NTM: variants seen among roughly 807,000 people sequenced by gnomAD.
The protein encoded by NTM is neurotrimin, also known as IgLON family member 2.
A neutral mutation model predicts 42.1 loss-of-function variants in NTM; 13 were observed. That is an observed-to-expected ratio of 0.31 (90% CI 0.20 to 0.49). The LOEUF is 0.49. NTM is among the 20% of genes least tolerant of loss of function. NTM has a pLI of 0.99. For synonymous variants in NTM, 187 were observed against 179.2 expected (o/e 1.04, Z -0.35); for missense variants, 373 against 452.8 (o/e 0.82, Z 1.60).
chr11:132,106,511 G>A (rs1470807692), intron 2 of NTM, among the ~76,000 whole-genome samples: 3 of 152,202 alleles, frequency 2.0e-5, no homozygotes, highest in East Asian at 1.9e-4. Flanking sequence ...ACGTGACCAC[G>A]CCAAAGGAGC....
chr11:132,286,132 G>A (rs998955741), intron 4 of NTM, among the ~76,000 whole-genome samples: 1 of 152,128 alleles, frequency 6.6e-6, no homozygotes, highest in African/African-American at 2.4e-5. Context: ...TCCACACAGT[G>A]GAGTACAATT....
intron 5 of NTM, among the ~76,000 whole-genome samples, chr11:132,308,576 A>C (rs1034784338): frequency 6.6e-6 from 1 of 152,080 alleles, no homozygotes; most frequent in African/African-American, 2.4e-5. Context: ...TGCACATTCC[A>C]GGAAGACTTA....
intron 1 of NTM, among the ~76,000 whole-genome samples, chr11:131,496,259 C>G (rs1046402467): frequency 6.6e-6 from 1 of 152,202 alleles, no homozygotes; most frequent in East Asian, 1.9e-4. Context: ...TTTTACACCC[C>G]CTTCACCTCA....
At chr11:131,553,294 G>A (rs561173154) in intron 1 of NTM, among the ~76,000 whole-genome samples, 4 of 152,240 alleles carry the variant, frequency 2.6e-5, no homozygotes, top group African/African-American at 9.6e-5. Context: ...GTGCACTTTT[G>A]ATGTAGTGTA....
Position 132,230,581 on chromosome 11 carries a change from G to C in NTM, c.526+18434G>C, listed in dbSNP as rs1288781200. ...TCCCTTTCTGCTCACCACTCTCCAA[G>C]CAGCCGCGCCTTGCGCACTTTGCCC... On this transcript the variant is annotated intron_variant, in intron 4 of 8. Transcript: ENST00000683400. Among the ~76,000 whole-genome samples, 3 of 152,328 alleles carry C rather than the reference G, an allele frequency of 2.0e-5. No individual in the cohort carries two copies. In the East Asian group the frequency reaches 5.8e-4, roughly 29 times the overall value.
chr11:132,303,434 T>C (rs907406327), intron 4 of NTM, among the ~76,000 whole-genome samples: 5 of 152,224 alleles, frequency 3.3e-5, no homozygotes, highest in African/African-American at 9.6e-5. Context: ...GTCTTCACAC[T>C]ACCCTTTCTC....
chr11:132,241,220 C>T (rs1207613418), intron 4 of NTM, among the ~76,000 whole-genome samples: 1 of 152,184 alleles, frequency 6.6e-6, no homozygotes, highest in Non-Finnish European at 1.5e-5. Context: ...AAGGGATACT[C>T]AACCTGTATT....
chr11:131,627,650 C>A (rs1044289413), intron 1 of NTM, among the ~76,000 whole-genome samples: 1 of 151,938 alleles, frequency 6.6e-6, no homozygotes, highest in Non-Finnish European at 1.5e-5. Flanking sequence ...AGGCAACATA[C>A]TTACACCCCA....
At position 131,555,448 on chromosome 11, in the gene NTM, C is replaced by T. The variant is rs565339432; in HGVS notation, c.82+184560C>T. 4.6e-4 allele frequency among the ~76,000 whole-genome samples: 70 copies of T among 152,156 alleles called. 1 individual carries two copies. The South Asian group carries it at 0.011, about 25-fold the overall frequency. ...ATCATGGAAACCCATAAGTAGTTTC[C>T]GGGTCTCTTCTTGGTGTGTATTGTA... On this transcript the variant is annotated intron_variant, in intron 1 of 8. Transcript: ENST00000683400.
intron 1 of NTM, among the ~76,000 whole-genome samples, chr11:131,692,670 C>A (rs1565433225): frequency 6.6e-6 from 1 of 152,198 alleles, no homozygotes; most frequent in Non-Finnish European, 1.5e-5. Flanking sequence ...GATGTGGCAT[C>A]AGGGATGAAA....
chr11:132,073,622 C>T (rs942832810), intron 2 of NTM, among the ~76,000 whole-genome samples: 2 of 152,124 alleles, frequency 1.3e-5, no homozygotes, highest in African/African-American at 4.8e-5. Flanking sequence ...GCCAAAACTC[C>T]ACTAGGAAAC....
At chr11:132,293,550 G>A (rs903792958) in intron 4 of NTM, among the ~76,000 whole-genome samples, 10 of 152,130 alleles carry the variant, frequency 6.6e-5, no homozygotes, top group East Asian at 3.9e-4. Context: ...ATGAAACAGC[G>A]GGTGTGAGAC....
intron 1 of NTM, among the ~76,000 whole-genome samples, chr11:131,666,755 G>C (rs1007237286): frequency 6.6e-6 from 1 of 152,176 alleles, no homozygotes; most frequent in Non-Finnish European, 1.5e-5. Flanking sequence ...CAGGGTCCTG[G>C]TGAAGGACTC....
In NTM at chr11:132,255,622, T is replaced by C. The variant is rs370274390; in HGVS notation, c.526+43475T>C. On this transcript the variant is annotated intron_variant, in intron 4 of 8. Coordinates refer to ENST00000683400, the MANE Select transcript of NTM (RefSeq NM_001352005.2). ...CGGAGTGGGTGGTGAGATCCACAGC[T>C]GTTAAATTCGCAACAGGTAAGCCAG... Among the ~76,000 whole-genome samples the C allele has an allele frequency of 3.3e-4, 51 of 152,316 alleles. No individual in the cohort carries two copies. In the East Asian group the frequency reaches 8.7e-3, roughly 26 times the overall value.
chr11:131,796,619 TC>T (rs1283754510), intron 1 of NTM, among the ~76,000 whole-genome samples: 1 of 151,730 alleles, frequency 6.6e-6, no homozygotes, highest in African/African-American at 2.4e-5. Flanking sequence ...GTGTGTAGAG[TC>T]CCAGCCTCAA....
rs141189729 is a variant in NTM, at chr11:132,193,256, A to G, written c.401-18766A>G. Among the ~76,000 whole-genome samples, 450 of 152,236 alleles carry G rather than the reference A, an allele frequency of 3.0e-3. 1 individual carries two copies. The highest frequency in any genetic ancestry group is 6.0e-3 in the Admixed American group (91 of 15,284). On this transcript the variant is annotated intron_variant, in intron 3 of 8. Coordinates refer to ENST00000683400, the MANE Select transcript of NTM (RefSeq NM_001352005.2). The stretch of plus-strand genomic sequence containing the variant: ...TCTAAGATCAACCACACACTAAACC[A>G]TAAAGCAAGTCGCAATAAATTCAAA...
chr11:132,134,045 C>T (rs1172818839), intron 2 of NTM, among the ~76,000 whole-genome samples: 2 of 152,190 alleles, frequency 1.3e-5, no homozygotes, highest in African/African-American at 4.8e-5. Context: ...TAAACAGTCT[C>T]ACTCTGTAGC....
chr11:132,321,007 A>G (rs1327452539), intron 7 of NTM, among the ~76,000 whole-genome samples: 3 of 150,798 alleles, frequency 2.0e-5, no homozygotes, highest in Non-Finnish European at 4.4e-5. Context: ...AAGGACATCC[A>G]CACCAAAAAC....
intron 1 of NTM, among the ~76,000 whole-genome samples, chr11:131,438,640 T>C (rs913228266): frequency 1.3e-5 from 2 of 152,200 alleles, no homozygotes; most frequent in African/African-American, 2.4e-5. Flanking sequence ...GTTGGGTCAT[T>C]TAAGGTCTTC....
Sources: gnomAD v4.1 joint callset for allele counts (sites outside exome capture counted in the v4.1 genomes callset) on GRCh38, gnomAD v4.1.1 for gene constraint, MANE v1.5 for transcripts, NCBI Gene and HGNC (gene_info 2026-07-23, HGNC 2026-07-21) for gene names.